Variants in CACNB2 observed in about 807,000 individuals in gnomAD.
CACNB2 encodes calcium voltage-gated channel auxiliary subunit beta 2.
Under a neutral mutation model 73.3 loss-of-function variants are expected in CACNB2, and 42 were observed. That is an observed-to-expected ratio of 0.57 (90% CI 0.45 to 0.74). The LOEUF (loss-of-function observed/expected upper bound fraction) is 0.74, where lower values mean the gene tolerates loss of function less well. Among genes scored for constraint, CACNB2 ranks in the 30% least tolerant of loss-of-function variants. The pLI is 0.00. For missense variants in CACNB2, 940 were observed against 853.0 expected (o/e 1.10, Z -1.27); for synonymous variants, 348 against 310.3 (o/e 1.12, Z -1.28).
intron 2 of CACNB2, among the ~76,000 whole-genome samples, chr10:18,162,817 G>A (rs1221199562): frequency 6.6e-6 from 1 of 152,188 alleles, no homozygotes. Context: ...TGTGTGAGCC[G>A]AGAGGAAGTG....
Position 18,182,507 on chromosome 10 carries a change from C to T in CACNB2, c.213+31532C>T, listed in dbSNP as rs2131219481. On this transcript the variant is annotated intron_variant, in intron 2 of 13. Coordinates refer to ENST00000324631, the MANE Select transcript of CACNB2 (RefSeq NM_201596.3). ...AAAATTTGAAAAAGGAAAAGCATTT[C>T]AGGAAGAAGATTAAAAAAAAAAAAA... 1.4e-5 allele frequency among the ~76,000 whole-genome samples: 2 copies of T among 146,820 alleles called. 1 individual carries two copies. The highest frequency in any genetic ancestry group is 4.4e-4 in the South Asian group (2 of 4,532).
rs1409925263 is a variant in CACNB2, at chr10:18,540,697, G to A, written c.*973G>A. 1 of 152,604 alleles carries A rather than the reference G, an allele frequency of 6.6e-6. No individual in the cohort carries two copies. The highest frequency in any genetic ancestry group is 1.5e-5 in the Non-Finnish European group (1 of 68,032). The allele number at this position is 152,604 out of a possible 1,614,324, so 9.5% of individuals were successfully genotyped here. ...CTAGTCACTGCACTGGAGTCTACGA[G>A]CCGGAACTCGCTATATGCACGTGTG... is the stretch of plus-strand genomic sequence containing the variant. On this transcript the variant is annotated 3_prime_UTR_variant, in exon 14 of 14. Coordinates refer to ENST00000324631, the MANE Select transcript of CACNB2 (RefSeq NM_201596.3).
chr10:18,338,836 T>A (rs1415245129), intron 2 of CACNB2, among the ~76,000 whole-genome samples: 2 of 150,930 alleles, frequency 1.3e-5, no homozygotes, highest in Non-Finnish European at 3.0e-5. Flanking sequence ...CCTCTCAGGT[T>A]CAAATGATCC....
At chr10:18,246,331 A>G (rs2036857580) in intron 2 of CACNB2, among the ~76,000 whole-genome samples, 1 of 152,192 alleles carries the variant, frequency 6.6e-6, no homozygotes, top group African/African-American at 2.4e-5. Flanking sequence ...CTAGTATTAT[A>G]TTAATAATAT....
At chr10:18,508,858 C>G (rs911769934) in intron 6 of CACNB2, among the ~76,000 whole-genome samples, 1 of 152,118 alleles carries the variant, frequency 6.6e-6, no homozygotes, top group African/African-American at 2.4e-5. Flanking sequence ...CAGTGTATGT[C>G]AAGGACCGTC....
intron 3 of CACNB2, among the ~76,000 whole-genome samples, chr10:18,481,439 G>C (rs185905986): frequency 5.4e-4 from 82 of 150,632 alleles, no homozygotes; most frequent in African/African-American, 1.9e-3. Flanking sequence ...TAGAGATGGA[G>C]TTTTACCATG....
At position 18,165,878 on chromosome 10, in the gene CACNB2, C is replaced by T. The variant is rs543035938; in HGVS notation, c.213+14903C>T. Among the ~76,000 whole-genome samples the T allele has an allele frequency of 2.0e-4, 31 of 152,120 alleles. No individual in the cohort carries two copies. In the South Asian group the frequency reaches 5.0e-3, roughly 24 times the overall value. On this transcript the variant is annotated intron_variant, in intron 2 of 13. Transcript: ENST00000324631. The stretch of plus-strand genomic sequence containing the variant: ...GTCTTTTCATTTCCTTTGCAACTGA[C>T]GTTAGATTGACCATAGATGTTTACA...
intron 2 of CACNB2, among the ~76,000 whole-genome samples, chr10:18,280,015 G>C (rs1040870986): frequency 6.6e-6 from 1 of 152,188 alleles, no homozygotes; most frequent in African/African-American, 2.4e-5. Flanking sequence ...GGAGGTGGAG[G>C]TTGCTGTGAG....
intron 2 of CACNB2, among the ~76,000 whole-genome samples, chr10:18,212,197 A>G (rs1274249133): frequency 2.0e-5 from 3 of 152,060 alleles, no homozygotes; most frequent in African/African-American, 4.8e-5. Flanking sequence ...TCAATATTGC[A>G]CTTCTCCAAA....
At chr10:18,233,912 C>T (rs1249642511) in intron 2 of CACNB2, among the ~76,000 whole-genome samples, 1 of 152,196 alleles carries the variant, frequency 6.6e-6, no homozygotes, top group African/African-American at 2.4e-5. Flanking sequence ...GCTCAGTCAA[C>T]TGAAATCCCT....
At chr10:18,332,085 G>A (rs2040828652) in intron 2 of CACNB2, among the ~76,000 whole-genome samples, 1 of 152,184 alleles carries the variant, frequency 6.6e-6, no homozygotes, top group Non-Finnish European at 1.5e-5. Flanking sequence ...GTGAGTGGAA[G>A]CCATATCTCC....
rs769211879 is a variant in CACNB2 at position 18,150,879 on chromosome 10, T to TTG, written c.121-3_121-2insGT. On this transcript the variant is annotated splice_polypyrimidine_tract_variant and splice_region_variant and intron_variant, in intron 1 of 13. Transcript: ENST00000324631. ...TCTTTTTTTTTTTTTTTTTTTTTTTTTAGTCATATGGAAAAGGAGCCAGAA... is the reference window on the plus strand; with the variant it reads ...TCTTTTTTTTTTTTTTTTTTTTTTTTTGTAGTCATATGGAAAAGGAGCCAGAA... The TTG allele has an allele frequency of 7.5e-4, 945 of 1,258,532 alleles. 21 individuals are homozygous for TTG. Among genetic ancestry groups the TTG allele is most frequent in the South Asian group, 1.8e-3 (125 of 71,116 alleles). 78.0% of individuals were successfully genotyped at this position (1,258,532 alleles called of 1,614,324 possible).
At chr10:18,446,867 C>A (rs2046759249) in intron 3 of CACNB2, among the ~76,000 whole-genome samples, 1 of 152,000 alleles carries the variant, frequency 6.6e-6, no homozygotes, top group Non-Finnish European at 1.5e-5. Context: ...AAGTTTGAGA[C>A]CATTTTGGGC....
chr10:18,242,055 A>G (rs2036673479), intron 2 of CACNB2, among the ~76,000 whole-genome samples: 1 of 151,994 alleles, frequency 6.6e-6, no homozygotes, highest in South Asian at 2.1e-4. Flanking sequence ...AGAGAAGGAT[A>G]CATTTTTTAG....
chr10:18,476,208 C>G (rs963557474), intron 3 of CACNB2, among the ~76,000 whole-genome samples: 1 of 152,100 alleles, frequency 6.6e-6, no homozygotes. Flanking sequence ...ATAAACTGTC[C>G]TGGCACTGGT....
intron 2 of CACNB2, among the ~76,000 whole-genome samples, chr10:18,378,254 T>G (rs369663697): frequency 6.6e-6 from 1 of 152,326 alleles, no homozygotes; most frequent in East Asian, 1.9e-4. Flanking sequence ...GACAGTGTAT[T>G]TGGTGATATG....
chr10:18,313,168 A>G lies in CACNB2; in HGVS notation c.214-88756A>G, dbSNP rs79748748. Among the ~76,000 whole-genome samples, 281 of 151,980 alleles carry G rather than the reference A, an allele frequency of 1.8e-3. 3 individuals carry two copies. The East Asian group carries it at 0.05, about 27-fold the overall frequency. On this transcript the variant is annotated intron_variant, in intron 2 of 13. Coordinates refer to ENST00000324631, the MANE Select transcript of CACNB2 (RefSeq NM_201596.3). ...AAGAAACCTTTAAGCAGATATTTAG[A>G]TAAGGGGTGTTTTCTTTTATATCTC...
intron 2 of CACNB2, among the ~76,000 whole-genome samples, chr10:18,189,355 T>C (rs546251163): frequency 4.0e-4 from 61 of 152,278 alleles, no homozygotes; most frequent in Admixed American, 3.7e-3. Flanking sequence ...AAGTGATAAA[T>C]GCACAATCCA....
chr10:18,331,615 T>C (rs1393268755), intron 2 of CACNB2, among the ~76,000 whole-genome samples: 1 of 152,124 alleles, frequency 6.6e-6, no homozygotes, highest in Non-Finnish European at 1.5e-5. Context: ...GTTACTAGAA[T>C]AACAGCTCCA....
Sources: allele counts gnomAD v4.1 joint callset (sites outside exome capture counted in the v4.1 genomes callset), GRCh38; gene constraint gnomAD v4.1.1; transcripts MANE v1.5; gene names NCBI Gene and HGNC (gene_info 2026-07-23, HGNC 2026-07-21).